The following BDP1 variants were observed in gnomAD, a reference collection of about 807,000 sequenced individuals.
The protein encoded by BDP1 is BDP1 general transcription factor IIIB subunit, also known as transcription factor TFIIIB component B'' homolog.
Under a neutral mutation model 266.6 loss-of-function variants are expected in BDP1, and 169 were observed. The ratio of observed to expected loss-of-function variants is 0.63; its 90% CI spans 0.56 to 0.72. The LOEUF (loss-of-function observed/expected upper bound fraction) is 0.72. Ranked by LOEUF, BDP1 falls within the 30% of genes least tolerant of loss-of-function variation. The pLI is 0.00. For synonymous variants in BDP1, 1,090 were observed against 1,022.4 expected (o/e 1.07, Z -1.26); for missense variants, 3,015 against 3,053.8 (o/e 0.99, Z 0.30).
In BDP1 at chr5:71,524,153, CTT is replaced by C. The variant is rs1765649551; in HGVS notation, c.5603_5604del (p.Leu1868ProfsTer8). 6.2e-7 allele frequency: 1 copy of C among 1,614,044 alleles called. No homozygotes were observed. The highest frequency in any genetic ancestry group is 1.3e-5 in the African/African-American group (1 of 74,912). On this transcript the variant is annotated frameshift_variant, in exon 25 of 39. Transcript: ENST00000358731. LOFTEE classifies it high-confidence loss of function. ...PRASKAMLVTLRASQEEDDDA... is the reference protein window; with the variant it reads ...PRASKAMLVTXRASQEEDDDA... Reference sequence around the variant, plus strand: ...AGCTTCCAAGGCCATGCTGGTGACTCTTCGGGCTTCCCAGGAAGAAGATGATG... The same window carrying C: ...AGCTTCCAAGGCCATGCTGGTGACTCCGGGCTTCCCAGGAAGAAGATGATG...
Position 71,549,721 on chromosome 5 carries a change from T to G in BDP1, c.6995+115T>G, listed in dbSNP as rs1742611799. ...GTTGTTATTGTTGTGGAGATCTTAT[T>G]TATCATTTATGTGGTAAGTTAGAGA... is the stretch of plus-strand genomic sequence containing the variant. On this transcript the variant is annotated intron_variant, in intron 34 of 38. Transcript: ENST00000358731. The G allele has an allele frequency of 6.2e-6, 5 of 811,092 alleles. No individual in the cohort carries two copies. In the East Asian group the frequency reaches 1.5e-4, roughly 24 times the overall value. 50.2% of individuals were successfully genotyped at this position (811,092 alleles called of 1,614,324 possible). A position where few individuals can be genotyped will look rare whatever the true frequency, so the allele number is the denominator to read the frequency against.
At chr5:71,464,734 T>TTTA (rs1761796968) in intron 4 of BDP1, among the ~76,000 whole-genome samples, 1 of 144,552 alleles carries the variant, frequency 6.9e-6, no homozygotes. Flanking sequence ...TTTTTTTTTT[T>TTTA]TTTGAGATGG....
chr5:71,538,930 A>G (rs1402036050), intron 26 of BDP1, 112 bp from the exon 27 acceptor site: 14 of 710,842 alleles, frequency 2.0e-5, no homozygotes, highest in Non-Finnish European at 3.2e-5. Context: ...AAACCAGTTT[A>G]CACTATTGTA....
intron 22 of BDP1, among the ~76,000 whole-genome samples, chr5:71,521,187 CAAA>C (rs113805483): frequency 7.3e-5 from 5 of 68,614 alleles, no homozygotes; most frequent in African/African-American, 1.4e-4. Context: ...AACTCCGTCT[CAAA>C]AAAAAAAAAA....
At chr5:71,530,875 C>T (rs1296094414) in intron 25 of BDP1, among the ~76,000 whole-genome samples, 1 of 152,040 alleles carries the variant, frequency 6.6e-6, no homozygotes, top group Non-Finnish European at 1.5e-5. Flanking sequence ...TGCAGGAGTT[C>T]GAGACCAGAC....
At position 71,509,539 on chromosome 5, in the gene BDP1, C is replaced by G. The variant is rs771827754; in HGVS notation, c.2447C>G (p.Pro816Arg). The stretch of plus-strand genomic sequence containing the variant: ...AGGACTCGATTTCAGAAACCAAAGC[C>G]AAATATAGGAAGAGGAACTGGAAGG... ...ILRTRFQKPK[P>R]NIGRGTGRRE... Residue 816 changes from proline to arginine, a missense_variant, in exon 17 of 39, where the codon CCA becomes CGA. Pro to Arg is a moderately radical substitution (Grantham distance 103). Around this residue, in one of 3 missense-constraint regions of BDP1, gnomAD observed 2,383 missense variants for 2,404.9 expected, o/e 0.99. Transcript: ENST00000358731. The G allele has an allele frequency of 2.1e-5, 34 of 1,611,180 alleles. No homozygotes were observed. In the East Asian group the frequency reaches 7.1e-4, roughly 34 times the overall value.
Position 71,504,672 on chromosome 5 carries a change from G to A in BDP1, c.2293G>A (p.Val765Ile). ...GCGTAAAGATTTTGAAGAGGAAGAT[G>A]TCATATTACAGCCTGAGAAAAATGA... ...QSRKDFEEED[V>I]ILQPEKNDSF... Residue 765 changes from valine (V) to isoleucine (I), a missense_variant, in exon 16 of 39, where the codon GTC (valine) becomes ATC (isoleucine). Val to Ile is a conservative substitution (Grantham distance 29). Transcript: ENST00000358731. The A allele has an allele frequency of 6.2e-7, 1 of 1,613,574 alleles. No homozygotes were observed. The highest frequency in any genetic ancestry group is 1.1e-5 in the South Asian group (1 of 91,042).
Position 71,455,935 on chromosome 5 carries a change from A to C in BDP1, c.58A>C (p.Arg20=), listed in dbSNP as rs927595882. ...KPNVRPGVGA[R]GSTASNPQRG... is the part of the protein sequence containing the mutation. ...GAATGTCAGGCCTGGTGTAGGCGCC[A>C]GGGGCTCCACAGCTTCCAATCCCCA... is the stretch of plus-strand genomic sequence containing the variant. Residue 20 remains arginine (R), a synonymous_variant, in exon 1 of 39, where the codon AGG becomes CGG. Transcript: ENST00000358731. The C allele has an allele frequency of 6.2e-7, 1 of 1,611,530 alleles. No homozygotes were observed. Among genetic ancestry groups the C allele is most frequent in the Admixed American group, 1.7e-5 (1 of 59,536 alleles).
At chr5:71,525,237 G>A (rs1048160913) in intron 25 of BDP1, among the ~76,000 whole-genome samples, 4 of 150,658 alleles carry the variant, frequency 2.7e-5, no homozygotes, top group African/African-American at 4.9e-5. Context: ...CTCACCTCCC[G>A]GATGGGGTGG....
At position 71,504,639 on chromosome 5, in the gene BDP1, G is replaced by T. The variant is rs766550089; in HGVS notation, c.2260G>T (p.Asp754Tyr). Reference sequence around the variant, plus strand: ...TTTTAAGACTCCTCAACACATGGAAGATCAATCGCGTAAAGATTTTGAAGA... The same window carrying T: ...TTTTAAGACTCCTCAACACATGGAATATCAATCGCGTAAAGATTTTGAAGA... Reference protein sequence around the residue: ...ADRDTPQHMEDQSRKDFEEED... With the variant: ...ADRDTPQHMEYQSRKDFEEED... The change falls in exon 16 of 39, where the codon GAT (aspartate) becomes TAT (tyrosine). Residue 754 changes from aspartate (D) to tyrosine (Y), a missense_variant. Coordinates refer to ENST00000358731, the MANE Select transcript of BDP1 (RefSeq NM_018429.3). 1.2e-5 allele frequency: 20 copies of T among 1,613,198 alleles called. No individual in the cohort carries two copies. Among genetic ancestry groups the T allele is most frequent in the South Asian group, 2.2e-5 (2 of 90,866 alleles).
chr5:71,520,026 T>C (rs983106853), intron 22 of BDP1, among the ~76,000 whole-genome samples: 14 of 152,214 alleles, frequency 9.2e-5, no homozygotes, highest in Non-Finnish European at 1.6e-4. Context: ...GTAGGATATC[T>C]CAGTGCAGTT....
intron 38 of BDP1, 59 bp downstream of exon 38, chr5:71,562,579 A>G: frequency 6.4e-7 from 1 of 1,551,916 alleles, no homozygotes. Context: ...ATGAGATTCA[A>G]CTAGGGAAAA....
At position 71,500,316 on chromosome 5, in the gene BDP1, CTTTTTTTTTTTTT is replaced by C. The variant is rs58201517; in HGVS notation, c.1957-1232_1957-1220del. ...TCTTTGAAGTGTTGTAATCTTGTTT[CTTTTTTTTTTTTT>C]TTTTTTTTTTTTTGAGGTTTAGTTT... is the stretch of plus-strand genomic sequence containing the variant. On this transcript the variant is annotated intron_variant, in intron 13 of 38. Coordinates refer to ENST00000358731, the MANE Select transcript of BDP1 (RefSeq NM_018429.3). 7.9e-3 allele frequency among the ~76,000 whole-genome samples: 580 copies of C among 73,136 alleles called. 8 individuals carry two copies. The highest frequency in any genetic ancestry group is 0.037 in the African/African-American group (545 of 14,666). The allele number at this position is 73,136 out of a possible 152,430, so 48.0% of individuals were successfully genotyped here.
intron 9 of BDP1, among the ~76,000 whole-genome samples, chr5:71,487,295 GC>G (rs1763317882): frequency 6.6e-6 from 1 of 152,072 alleles, no homozygotes; most frequent in Non-Finnish European, 1.5e-5. Context: ...AGGCTGGAGT[GC>G]AGTGGCACGA....
intron 6 of BDP1, 151 bp downstream of exon 6, chr5:71,467,638 A>G (rs1243514400): frequency 6.2e-6 from 4 of 645,446 alleles, no homozygotes; most frequent in South Asian, 2.2e-5. Flanking sequence ...TATGCCCTCC[A>G]TGGAATGGTA....
At chr5:71,573,941 C>T in the BDP1 span, among the ~76,000 whole-genome samples, 2 of 152,276 alleles carry the variant, frequency 1.3e-5, no homozygotes, top group East Asian at 1.9e-4. Flanking sequence ...GCGTCAGATT[C>T]CTCATACCGT....
chr5:71,552,713 G>A (rs1237824122), intron 34 of BDP1, among the ~76,000 whole-genome samples: 2 of 152,256 alleles, frequency 1.3e-5, no homozygotes, highest in African/African-American at 2.4e-5. Context: ...GCAGGCACTC[G>A]GCAGGCTGAG....
chr5:71,550,188 C>A (rs1361553101), intron 34 of BDP1, among the ~76,000 whole-genome samples: 1 of 152,188 alleles, frequency 6.6e-6, no homozygotes, highest in Non-Finnish European at 1.5e-5. Flanking sequence ...GAGTTGAAGA[C>A]CAGCTTGGCC....
chr5:71,502,275 A>G (rs1305262479), intron 14 of BDP1, among the ~76,000 whole-genome samples: 1 of 150,216 alleles, frequency 6.7e-6, no homozygotes, highest in African/African-American at 2.5e-5. Context: ...CCCGGTTTCA[A>G]GCGATTCTTC....
Sources: allele counts gnomAD v4.1 joint callset (sites outside exome capture counted in the v4.1 genomes callset), GRCh38; gene constraint gnomAD v4.1.1; regional missense constraint gnomAD v4.1.1; transcripts MANE v1.5; gene names NCBI Gene and HGNC (gene_info 2026-07-23, HGNC 2026-07-21).